Variants in SLC25A40 observed in about 807,000 individuals in gnomAD.
SLC25A40 encodes solute carrier family 25 member 40.
A neutral mutation model predicts 46.5 loss-of-function variants in SLC25A40; 41 were observed. That is an observed-to-expected ratio of 0.88 (90% CI 0.69 to 1.14). The LOEUF (loss-of-function observed/expected upper bound fraction) is 1.14. Among genes scored for constraint, SLC25A40 ranks in the 50% most tolerant of loss-of-function variants. SLC25A40 has a pLI of 0.00. For synonymous variants in SLC25A40, 126 were observed against 127.5 expected (o/e 0.99, Z 0.08); for missense variants, 386 against 393.6 (o/e 0.98, Z 0.16).
Position 87,847,883 on chromosome 7 carries a change from T to C in SLC25A40, c.427A>G (p.Ile143Val). 1 of 1,611,766 alleles carries C rather than the reference T, an allele frequency of 6.2e-7. No homozygotes were observed. The highest frequency in any genetic ancestry group is 1.7e-4 in the Middle Eastern group (1 of 6,006). ...GCTACAATTCCAGCAACAATTGGTATGCAGGTTTCATTTTCTCCTAACTTA... is the reference window on the plus strand; with the variant it reads ...GCTACAATTCCAGCAACAATTGGTACGCAGGTTTCATTTTCTCCTAACTTA... ...RSKLGENETC[I>V]PIVAGIVARF... The change falls in exon 7 of 12, where the codon ATA (isoleucine) becomes GTA (valine). Residue 143 changes from isoleucine to valine, a missense_variant. Coordinates refer to ENST00000341119, the MANE Select transcript of SLC25A40 (RefSeq NM_018843.4).
chr7:87,852,501 T>G (rs1838530923), intron 5 of SLC25A40, among the ~76,000 whole-genome samples: 1 of 151,996 alleles, frequency 6.6e-6, no homozygotes, highest in Non-Finnish European at 1.5e-5. Context: ...GCGTACAGAT[T>G]GAGGAAGCAG....
At chr7:87,864,384 C>T (rs1300969379) in intron 1 of SLC25A40, among the ~76,000 whole-genome samples, 3 of 152,192 alleles carry the variant, frequency 2.0e-5, no homozygotes, top group African/African-American at 2.4e-5. Context: ...AAATACACAA[C>T]GGATTAGTGT....
chr7:87,861,660 G>A (rs1049847025), intron 1 of SLC25A40, among the ~76,000 whole-genome samples: 1 of 152,016 alleles, frequency 6.6e-6, no homozygotes, highest in Non-Finnish European at 1.5e-5. Context: ...TCATTTAAAT[G>A]AGCTCCTTTA....
chr7:87,842,345 C>T (rs1213898565), intron 9 of SLC25A40: 1 of 152,520 alleles, frequency 6.6e-6, no homozygotes, highest in East Asian at 1.9e-4. Context: ...TCCACAATGC[C>T]TTAATTAAGG....
At chr7:87,843,886 G>T in intron 8 of SLC25A40, 23 bp from the exon 9 acceptor site, 2 of 1,521,188 alleles carry the variant, frequency 1.3e-6, no homozygotes, top group South Asian at 2.3e-5. Context: ...AGAATGAAAT[G>T]AACACATATT....
intron 7 of SLC25A40, 51 bp from the exon 8 acceptor site, chr7:87,847,173 T>C (rs781273000): frequency 4.4e-6 from 6 of 1,369,978 alleles, no homozygotes; most frequent in Non-Finnish European, 5.9e-6. Flanking sequence ...CCATGTACTA[T>C]GCAAACACAT....
chr7:87,838,770 T>G (rs1838291559), intron 10 of SLC25A40, among the ~76,000 whole-genome samples: 1 of 151,632 alleles, frequency 6.6e-6, no homozygotes, highest in Admixed American at 6.6e-5. Context: ...CAGAACAATG[T>G]ATACTCTTCT....
At chr7:87,851,218 T>C (rs1442330193) in intron 5 of SLC25A40, among the ~76,000 whole-genome samples, 1 of 152,208 alleles carries the variant, frequency 6.6e-6, no homozygotes, top group Non-Finnish European at 1.5e-5. Context: ...TTAAATGTAA[T>C]ATATTCACAT....
Position 87,833,605 on chromosome 7 carries a change from T to TAGA in SLC25A40, c.*2641_*2643dup, listed in dbSNP as rs1838220187. On this transcript the variant is annotated 3_prime_UTR_variant, in exon 12 of 12. Coordinates refer to ENST00000341119, the MANE Select transcript of SLC25A40 (RefSeq NM_018843.4). ...TATCTTTTATTTAAAAAGTTCATCT[T>TAGA]AGAAGAAAATTCAAAAGGGATACAA... 3 of 151,972 alleles carry TAGA rather than the reference T, an allele frequency of 2.0e-5. No homozygotes were observed. The highest frequency in any genetic ancestry group is 6.6e-5 in the Admixed American group (1 of 15,190). 9.4% of individuals were successfully genotyped at this position (151,972 alleles called of 1,614,324 possible). A position where few individuals can be genotyped will look rare whatever the true frequency, so the allele number is the denominator to read the frequency against.
chr7:87,853,272 T>A (rs952029285), intron 5 of SLC25A40, among the ~76,000 whole-genome samples: 1 of 152,168 alleles, frequency 6.6e-6, no homozygotes, highest in Non-Finnish European at 1.5e-5. Flanking sequence ...AAAACCACAG[T>A]GAGATATCTC....
At chr7:87,842,019 C>T (rs541732518) in intron 9 of SLC25A40, 150 of 392,126 alleles carry the variant, frequency 3.8e-4, no homozygotes, top group African/African-American at 2.6e-3. Context: ...CAATTTCTCA[C>T]GCTCCTTTGT....
Position 87,836,785 on chromosome 7 carries a change from G to A in SLC25A40, c.849C>T (p.Thr283=). 3 of 1,524,120 alleles carry A rather than the reference G, an allele frequency of 2.0e-6. No homozygotes were observed. The highest frequency in any genetic ancestry group is 1.8e-6 in the Non-Finnish European group (2 of 1,142,140). 94.4% of individuals were successfully genotyped at this position (1,524,120 alleles called of 1,614,324 possible). Residue 283 remains threonine, a synonymous_variant, in exon 11 of 12, where the codon ACC becomes ACT. Coordinates refer to ENST00000341119, the MANE Select transcript of SLC25A40 (RefSeq NM_018843.4). ...HKISMPLHMS[T]WIIMKNIVAK... ...CAACAATGTTCTTCATTATAATCCA[G>A]GTTGACATATGCAAAGGCATAGAAA...
intron 9 of SLC25A40, chr7:87,842,019 C>G (rs541732518): frequency 6.1e-5 from 24 of 392,014 alleles, no homozygotes; most frequent in East Asian, 8.6e-5. Context: ...CAATTTCTCA[C>G]GCTCCTTTGT....
At position 87,870,176 on chromosome 7, in the gene SLC25A40, T is replaced by G. The variant is rs374352614; in HGVS notation, c.-94+5920A>C. Among the ~76,000 whole-genome samples the G allele has an allele frequency of 3.3e-5, 5 of 151,496 alleles. No individual in the cohort carries two copies. The East Asian group carries it at 5.8e-4, about 18-fold the overall frequency. On this transcript the variant is annotated intron_variant, in intron 1 of 11. Coordinates refer to ENST00000341119, the MANE Select transcript of SLC25A40 (RefSeq NM_018843.4). ...CTTATTGAGTTATAATAATTCTTCA[T>G]ATTTTTTGGATACTAGATCCTTACC...
chr7:87,838,635 T>A (rs1432126150), intron 10 of SLC25A40, among the ~76,000 whole-genome samples: 1 of 151,560 alleles, frequency 6.6e-6, no homozygotes, highest in Non-Finnish European at 1.5e-5. Context: ...ATTTTATTTT[T>A]CCTCCTTCTC....
chr7:87,846,463 T>G (rs1838422170), intron 8 of SLC25A40, among the ~76,000 whole-genome samples: 1 of 152,192 alleles, frequency 6.6e-6, no homozygotes, highest in African/African-American at 2.4e-5. Context: ...TCCCTTTTCA[T>G]AACTGAGTAA....
rs75348405 is a variant in SLC25A40 at position 87,865,386 on chromosome 7, C to T, written c.-93-4746G>A. 2.2e-4 allele frequency among the ~76,000 whole-genome samples: 34 copies of T among 152,246 alleles called. No homozygotes were observed. The East Asian group carries it at 5.4e-3, about 24-fold the overall frequency. ...TTATATTCCTTATCTCTCAACAGGC[C>T]GCAGTAGCTATCACAGTTTTTAACA... is the stretch of plus-strand genomic sequence containing the variant. On this transcript the variant is annotated intron_variant, in intron 1 of 11. Transcript: ENST00000341119.
At chr7:87,843,114 T>C (rs1032344322) in intron 9 of SLC25A40, among the ~76,000 whole-genome samples, 8 of 152,050 alleles carry the variant, frequency 5.3e-5, no homozygotes, top group African/African-American at 9.7e-5. Context: ...CAGTGTGTTA[T>C]TGTCTCACTA....
chr7:87,857,615 A>G (rs1219065063), intron 3 of SLC25A40, among the ~76,000 whole-genome samples: 1 of 152,204 alleles, frequency 6.6e-6, no homozygotes, highest in Non-Finnish European at 1.5e-5. Context: ...CCAGTTCCCA[A>G]ATAATACTTT....
Sources: gnomAD v4.1 joint callset for allele counts (sites outside exome capture counted in the v4.1 genomes callset) on GRCh38, gnomAD v4.1.1 for gene constraint, MANE v1.5 for transcripts, NCBI Gene and HGNC (gene_info 2026-07-23, HGNC 2026-07-21) for gene names.